GGA1: variants seen among roughly 807,000 people sequenced by gnomAD.
GGA1 encodes the protein ADP-ribosylation factor-binding protein GGA1.
GGA1 carries 18 observed loss-of-function variants against 76.9 expected under a neutral mutation model. The observed-to-expected ratio is 0.23, with a 90% CI of 0.16 to 0.35. GGA1 has a LOEUF of 0.35. GGA1 is among the 10% of genes least tolerant of loss of function. GGA1 has a pLI of 1.00. For synonymous variants in GGA1, 342 were observed against 354.7 expected (o/e 0.96, Z 0.40); for missense variants, 755 against 859.0 (o/e 0.88, Z 1.51).
chr22:37,609,101 G>T, intron 1 of GGA1, 198 bp downstream of exon 1: 1 of 1,489,420 alleles, frequency 6.7e-7, no homozygotes. Flanking sequence ...CCAGCGGTGG[G>T]AGCGGGCGCC....
Position 37,630,086 on chromosome 22 carries a change from C to A in GGA1, c.1247C>A (p.Ala416Glu). Residue 416 changes from alanine to glutamate, a missense_variant, in exon 13 of 17, where the codon GCA becomes GAA. By Grantham distance (107) the Ala-to-Glu change is moderately radical. Transcript: ENST00000343632. ...SRPPAQTSLP[A>E]SSGLDDLDLL... ...CCCCCAGCGCAGACATCCCTGCCAG[C>A]AAGCAGCGGTCTGGACGACCTAGAC... The A allele has an allele frequency of 6.2e-7, 1 of 1,610,820 alleles. No homozygotes were observed. Among genetic ancestry groups the A allele is most frequent in the Non-Finnish European group, 8.5e-7 (1 of 1,178,032 alleles).
chr22:37,622,795 C>T (rs931472515), intron 7 of GGA1, among the ~76,000 whole-genome samples: 46 of 152,174 alleles, frequency 3.0e-4, no homozygotes, highest in African/African-American at 1.0e-3. Flanking sequence ...AGGAGGGGCA[C>T]GCACAGTAAG....
Position 37,623,519 on chromosome 22 carries a change from C to T in GGA1, c.751-33C>T, listed in dbSNP as rs201588626. ...CTCCCTGCCCACTCCACAGCCCACG[C>T]GGACCCTGACCCGCCCATCCTGCTG... is the stretch of plus-strand genomic sequence containing the variant. On this transcript the variant is annotated intron_variant, in intron 8 of 16. Transcript: ENST00000343632. The surrounding 1 kb of genome is among the most constrained non-coding windows in gnomAD (Gnocchi z 4.6). 42 of 1,612,646 alleles carry T rather than the reference C, an allele frequency of 2.6e-5. No homozygotes were observed. The highest frequency in any genetic ancestry group is 1.1e-4 in the African/African-American group (8 of 75,042).
At position 37,619,817 on chromosome 22, in the gene GGA1, G is replaced by A. The variant is rs573899100; in HGVS notation, c.304-421G>A. 1.9e-5 allele frequency: 15 copies of A among 778,282 alleles called. No individual in the cohort carries two copies. In the East Asian group the frequency reaches 3.4e-4, roughly 18 times the overall value. 48.2% of individuals were successfully genotyped at this position (778,282 alleles called of 1,614,324 possible). A position where few individuals can be genotyped will look rare whatever the true frequency, so the allele number is the denominator to read the frequency against. ...CCCAACAGGGGACTCTGCTGTGAGAGCCACTTTCCCCAGCCCAGTTTGCTG... is the reference window on the plus strand; with the variant it reads ...CCCAACAGGGGACTCTGCTGTGAGAACCACTTTCCCCAGCCCAGTTTGCTG... On this transcript the variant is annotated intron_variant, in intron 4 of 16. Coordinates refer to ENST00000343632, the MANE Select transcript of GGA1 (RefSeq NM_013365.5).
chr22:37,630,644 G>T (rs1931636021), intron 13 of GGA1: 1 of 523,778 alleles, frequency 1.9e-6, no homozygotes, highest in Admixed American at 3.8e-5. Flanking sequence ...TCGGCTCACT[G>T]CAACCTCCAT....
At position 37,614,807 on chromosome 22, in the gene GGA1, C is replaced by T. The variant is rs182303918; in HGVS notation, c.128+533C>T. On this transcript the variant is annotated intron_variant, in intron 2 of 16. Transcript: ENST00000343632. Reference sequence around the variant, plus strand: ...CAGCGTGGCCAACATGGTGACACCCCGTCTCTACTAAAAATGCAAAAATTA... The same window carrying T: ...CAGCGTGGCCAACATGGTGACACCCTGTCTCTACTAAAAATGCAAAAATTA... Among the ~76,000 whole-genome samples, 258 of 152,228 alleles carry T rather than the reference C, an allele frequency of 1.7e-3. 1 individual carries two copies. The highest frequency in any genetic ancestry group is 5.9e-3 in the African/African-American group (246 of 41,538).
intron 2 of GGA1, among the ~76,000 whole-genome samples, chr22:37,615,548 G>C (rs891211408): frequency 6.6e-6 from 1 of 151,922 alleles, no homozygotes; most frequent in African/African-American, 2.4e-5. Flanking sequence ...GGTGGATCAC[G>C]AGGCCAACAG....
chr22:37,619,861 G>C, intron 4 of GGA1: 1 of 770,662 alleles, frequency 1.3e-6, no homozygotes, highest in Non-Finnish European at 2.4e-6. Context: ...CGGAGAGTAG[G>C]CCCAGGGCCT....
chr22:37,619,904 C>G, intron 4 of GGA1: 1 of 715,400 alleles, frequency 1.4e-6, no homozygotes, highest in South Asian at 1.5e-5. Flanking sequence ...CCTGGGCAGC[C>G]TGGAGACCTC....
Position 37,614,115 on chromosome 22 carries a change from C to T in GGA1, c.44-75C>T, listed in dbSNP as rs969664400. 7.8e-5 allele frequency: 79 copies of T among 1,008,872 alleles called. 1 individual carries two copies. In the Middle Eastern group the frequency reaches 8.2e-4, roughly 10 times the overall value. 62.5% of individuals were successfully genotyped at this position (1,008,872 alleles called of 1,614,324 possible). The stretch of plus-strand genomic sequence containing the variant: ...CACTCCTCTCCCACTCCTGACCACA[C>T]CTTTGCCAGGGTCAGGAGTGGAAGA... On this transcript the variant is annotated intron_variant, in intron 1 of 16. Coordinates refer to ENST00000343632, the MANE Select transcript of GGA1 (RefSeq NM_013365.5).
chr22:37,629,313 T>A (rs1479329172), intron 11 of GGA1, 149 bp from the exon 12 acceptor site: 1 of 591,910 alleles, frequency 1.7e-6, no homozygotes, highest in Non-Finnish European at 2.9e-6. Context: ...GCTCTGCTGC[T>A]GGTTCCCTCT....
Position 37,624,676 on chromosome 22 carries a change from A to G in GGA1, c.833-293A>G. 1 of 352,522 alleles carries G rather than the reference A, an allele frequency of 2.8e-6. No homozygotes were observed. The highest frequency in any genetic ancestry group is 5.8e-5 in the East Asian group (1 of 17,352). 21.8% of individuals were successfully genotyped at this position (352,522 alleles called of 1,614,324 possible). On this transcript the variant is annotated intron_variant, in intron 9 of 16. Transcript: ENST00000343632. The surrounding 1 kb of genome is among the most constrained non-coding windows in gnomAD (Gnocchi z 4.3). The stretch of plus-strand genomic sequence containing the variant: ...AAGGCAGTAAGGGATGAAGCCATGC[A>G]GAGATCTGGGGCAGCCAGAGAGCAG...
In GGA1 at chr22:37,632,882, G is replaced by A. The variant is rs187632759; in HGVS notation, c.*171G>A. 2,275 of 596,086 alleles carry A rather than the reference G, an allele frequency of 3.8e-3. 7 individuals are homozygous for A. The highest frequency in any genetic ancestry group is 5.7e-3 in the Non-Finnish European group (1,889 of 331,476). 36.9% of individuals were successfully genotyped at this position (596,086 alleles called of 1,614,324 possible). ...AAGTGACTCTTCCCCCTCCTGCTCC[G>A]GCCCCGCCCCTGCTGAGCCAAACCC... On this transcript the variant is annotated 3_prime_UTR_variant, in exon 17 of 17. Coordinates refer to ENST00000343632, the MANE Select transcript of GGA1 (RefSeq NM_013365.5). The surrounding 1 kb of genome is among the most constrained non-coding windows in gnomAD (Gnocchi z 5.1).
At chr22:37,626,780 G>A (rs1930928131) in intron 11 of GGA1, 1 of 152,288 alleles carries the variant, frequency 6.6e-6, no homozygotes, top group South Asian at 2.1e-4. Context: ...TCCTTTGGTG[G>A]TGCCCACTAC....
At chr22:37,609,429 G>C in intron 1 of GGA1, 1 of 647,782 alleles carries the variant, frequency 1.5e-6, no homozygotes, top group African/African-American at 2.0e-5. Flanking sequence ...TCCTCCCGCC[G>C]CTCCTAGTCT....
chr22:37,629,608 A>C, intron 12 of GGA1, 82 bp downstream of exon 12: 7 of 871,984 alleles, frequency 8.0e-6, no homozygotes, highest in Non-Finnish European at 1.2e-5. Flanking sequence ...GAGAAACTAA[A>C]AGGATGGATG....
intron 1 of GGA1, 112 bp downstream of exon 1, chr22:37,609,015 C>T: frequency 7.3e-7 from 1 of 1,374,632 alleles, no homozygotes; most frequent in Non-Finnish European, 9.4e-7. Flanking sequence ...CGCCCCGCCC[C>T]CGGCCCGGGA....
chr22:37,624,905 TC>T lies in GGA1; in HGVS notation c.833-60del. ...GGCTGTGATGGATGTGGGGTCCTCG[TC>T]CCCTGCCGCCCAGAGGCCCCCACAG... On this transcript the variant is annotated intron_variant, in intron 9 of 16. Transcript: ENST00000343632. The surrounding 1 kb of genome is among the most constrained non-coding windows in gnomAD (Gnocchi z 4.3). 6.5e-7 allele frequency: 1 copy of T among 1,531,276 alleles called. No homozygotes were observed. 94.9% of individuals were successfully genotyped at this position (1,531,276 alleles called of 1,614,324 possible).
intron 4 of GGA1, 143 bp downstream of exon 4, chr22:37,618,689 A>C: frequency 1.7e-6 from 1 of 603,916 alleles, no homozygotes; most frequent in Non-Finnish European, 3.0e-6. Flanking sequence ...AGACCTAGGA[A>C]AAACACAGAT....
Sources: allele counts gnomAD v4.1 joint callset (sites outside exome capture counted in the v4.1 genomes callset), GRCh38; gene constraint gnomAD v4.1.1; non-coding constraint Gnocchi (gnomAD v3.1); transcripts MANE v1.5; gene names NCBI Gene and HGNC (gene_info 2026-07-23, HGNC 2026-07-21).